STK3: variants seen among roughly 807,000 people sequenced by gnomAD.
STK3 encodes serine/threonine kinase 3.
A neutral mutation model predicts 58.0 loss-of-function variants in STK3; 41 were observed. That is an observed-to-expected ratio of 0.71 (90% CI 0.55 to 0.92). The LOEUF (loss-of-function observed/expected upper bound fraction) is 0.92. Ranked by LOEUF, STK3 falls within the 40% of genes least tolerant of loss-of-function variation. The pLI, the probability that STK3 is intolerant of heterozygous loss-of-function variation, is 0.00. For missense variants in STK3, 479 were observed against 602.7 expected, an observed-to-expected ratio of 0.79 and a Z score of 2.15; for synonymous variants, 170 against 191.0, an observed-to-expected ratio of 0.89 and a Z score of 0.91.
chr8:98,790,138 A>G (rs554214735), intron 1 of STK3, among the ~76,000 whole-genome samples: 3 of 152,224 alleles, frequency 2.0e-5, no homozygotes, highest in East Asian at 3.9e-4. Flanking sequence ...CTATACCACA[A>G]GACAGAAAAA....
At chr8:98,775,296 T>A (rs1831603400) in intron 1 of STK3, among the ~76,000 whole-genome samples, 1 of 152,144 alleles carries the variant, frequency 6.6e-6, no homozygotes, top group Non-Finnish European at 1.5e-5. Context: ...CCTCATGTAA[T>A]GAGTCACAGT....
At chr8:98,699,360 C>T (rs28885454) in intron 6 of STK3, among the ~76,000 whole-genome samples, 1 of 152,222 alleles carries the variant, frequency 6.6e-6, no homozygotes, top group Non-Finnish European at 1.5e-5. Flanking sequence ...CTTCTCTCAA[C>T]TCGTCAAAGT....
intron 6 of STK3, among the ~76,000 whole-genome samples, chr8:98,632,671 ACTG>A (rs1819347090): frequency 6.6e-6 from 1 of 152,212 alleles, no homozygotes. Flanking sequence ...CTAAAACTAA[ACTG>A]CACTAAAAAA....
chr8:98,428,912 C>G lies in STK3; in HGVS notation n.483+5215G>C. ...TCCGCATCTTAAAGCTGGCCAGGCA[C>G]TCCACTGGCCTCCGCTCCCTGGGGG... On this transcript the variant is annotated intron_variant and non_coding_transcript_variant, in intron 3 of 3. Transcript: ENST00000517832. The surrounding 1 kb of genome is among the most constrained non-coding windows in gnomAD (Gnocchi z 6.7). 3 of 1,614,200 alleles carry G rather than the reference C, an allele frequency of 1.9e-6. No individual in the cohort carries two copies. The highest frequency in any genetic ancestry group is 2.5e-6 in the Non-Finnish European group (3 of 1,180,038).
chr8:98,889,475 C>T (rs572412580), intron 1 of STK3, among the ~76,000 whole-genome samples: 1 of 152,318 alleles, frequency 6.6e-6, no homozygotes, highest in East Asian at 1.9e-4. Context: ...TTTTAAACCA[C>T]TCTGTAATTG....
intron 6 of STK3, among the ~76,000 whole-genome samples, chr8:98,689,082 C>T (rs562427048): frequency 2.8e-4 from 42 of 152,204 alleles, no homozygotes; most frequent in South Asian, 1.7e-3. Flanking sequence ...GACATCACAA[C>T]GAAGCCCACA....
intron 1 of STK3, among the ~76,000 whole-genome samples, chr8:98,892,491 C>T (rs571187500): frequency 3.9e-5 from 6 of 152,202 alleles, no homozygotes; most frequent in Admixed American, 3.9e-4. Flanking sequence ...AGCCCTTATG[C>T]TCTGGCCATG....
At chr8:98,851,530 A>C (rs1422277284) in intron 3 of STK3, among the ~76,000 whole-genome samples, 1 of 152,188 alleles carries the variant, frequency 6.6e-6, no homozygotes, top group Non-Finnish European at 1.5e-5. Context: ...AGGAGTATGA[A>C]ACTGCATTTT....
At chr8:98,414,676 T>C (rs1362721442) in intron 3 of STK3, among the ~76,000 whole-genome samples, 1 of 152,168 alleles carries the variant, frequency 6.6e-6, no homozygotes, top group Non-Finnish European at 1.5e-5. Flanking sequence ...GCCACACAGG[T>C]AGATAAATTT....
chr8:98,585,092 T>G (rs1350294988), intron 7 of STK3, among the ~76,000 whole-genome samples: 1 of 151,052 alleles, frequency 6.6e-6, no homozygotes, highest in African/African-American at 2.4e-5. Context: ...AGAAGCTCTT[T>G]AGTTTAATTA....
chr8:98,889,459 G>A (rs1232548785), intron 1 of STK3, among the ~76,000 whole-genome samples: 2 of 152,144 alleles, frequency 1.3e-5, no homozygotes, highest in Non-Finnish European at 2.9e-5. Context: ...CAGGCCTGGG[G>A]CTATATTTTA....
chr8:98,376,241 T>C (rs913798513), intron 2 of STK3, among the ~76,000 whole-genome samples: 6 of 152,260 alleles, frequency 3.9e-5, no homozygotes, highest in African/African-American at 1.4e-4. Flanking sequence ...TGTCTGTTAA[T>C]GTCTTTTGCC....
chr8:98,927,287 C>T (rs1309424843), intron 1 of STK3, among the ~76,000 whole-genome samples: 1 of 152,224 alleles, frequency 6.6e-6, no homozygotes, highest in Admixed American at 6.5e-5. Flanking sequence ...TGTTATTTGT[C>T]TGCTCAACAG....
intron 4 of STK3, among the ~76,000 whole-genome samples, chr8:98,709,627 G>T (rs1826238625): frequency 6.6e-6 from 1 of 152,152 alleles, no homozygotes; most frequent in Admixed American, 6.5e-5. Flanking sequence ...TGGAATGCAA[G>T]GTTGATTCAA....
At chr8:98,570,295 A>G (rs1305535819) in intron 8 of STK3, among the ~76,000 whole-genome samples, 2 of 150,660 alleles carry the variant, frequency 1.3e-5, no homozygotes, top group East Asian at 3.9e-4. Context: ...AGCCTAGCTA[A>G]TTTTGTGTTT....
At chr8:98,679,970 C>G (rs925724731) in intron 6 of STK3, among the ~76,000 whole-genome samples, 2 of 151,850 alleles carry the variant, frequency 1.3e-5, no homozygotes, top group Non-Finnish European at 2.9e-5. Flanking sequence ...GGTAAGGTAC[C>G]CTGAGATCAT....
chr8:98,707,204 G>A lies in STK3; in HGVS notation c.459C>T (p.Leu153=), dbSNP rs748664927. 10 of 1,612,554 alleles carry A rather than the reference G, an allele frequency of 6.2e-6. No homozygotes were observed. Among genetic ancestry groups the A allele is most frequent in the Non-Finnish European group, 8.5e-6 (10 of 1,179,530 alleles). The change falls in exon 5 of 11, where the codon CTC becomes CTT. Residue 153 remains leucine (L), a synonymous_variant. Coordinates refer to ENST00000419617, the MANE Select transcript of STK3 (RefSeq NM_006281.4). ...ATTTTGCATGTCCTTCTGTATTGAG[G>A]AGAATATTTCCAGCTTTTATATCTC... is the stretch of plus-strand genomic sequence containing the variant. The part of the protein sequence containing the change: ...IHRDIKAGNI[L]LNTEGHAKLA...
chr8:98,706,676 A>G (rs946265455), intron 5 of STK3, 42 bp from the exon 6 acceptor site: 1 of 1,482,844 alleles, frequency 6.7e-7, no homozygotes, highest in African/African-American at 1.4e-5. Context: ...CTACAAAAGC[A>G]CAAAGGAAAT....
chr8:98,797,089 G>C (rs960136211), intron 1 of STK3, among the ~76,000 whole-genome samples: 1 of 152,196 alleles, frequency 6.6e-6, no homozygotes, highest in African/African-American at 2.4e-5. Flanking sequence ...GACAGTCCTA[G>C]ATGACACCAT....
Sources: allele counts gnomAD v4.1 joint callset (sites outside exome capture counted in the v4.1 genomes callset), GRCh38; gene constraint gnomAD v4.1.1; non-coding constraint Gnocchi (gnomAD v3.1); transcripts MANE v1.5; gene names NCBI Gene and HGNC (gene_info 2026-07-23, HGNC 2026-07-21).